ARMH4: variants seen among roughly 807,000 people sequenced by gnomAD.
The protein encoded by ARMH4 is armadillo like helical domain containing 4.
Under a neutral mutation model 61.9 loss-of-function variants are expected in ARMH4, and 49 were observed. The ratio of observed to expected loss-of-function variants is 0.79; its 90% CI spans 0.63 to 1.00. ARMH4 has a LOEUF of 1.00. ARMH4 is among the 50% of genes least tolerant of loss of function. The probability of loss-of-function intolerance (pLI) is 0.00; values close to 1 mark genes in which losing one functional copy is unlikely to be tolerated. For missense variants in ARMH4, 934 were observed against 930.0 expected (o/e 1.00, Z -0.06); for synonymous variants, 368 against 341.5 (o/e 1.08, Z -0.85).
intron 4 of ARMH4, among the ~76,000 whole-genome samples, chr14:58,125,871 A>G (rs1886879931): frequency 6.6e-6 from 1 of 152,208 alleles, no homozygotes; most frequent in Non-Finnish European, 1.5e-5. Flanking sequence ...CCCTAAGCCT[A>G]GCTGGGAAGG....
chr14:58,022,987 T>C (rs559234620), intron 5 of ARMH4, among the ~76,000 whole-genome samples: 4 of 152,352 alleles, frequency 2.6e-5, no homozygotes, highest in East Asian at 1.9e-4. Context: ...ATCCATACTT[T>C]AACTAAAAAT....
At chr14:58,063,966 G>C (rs1609699) in intron 5 of ARMH4, among the ~76,000 whole-genome samples, 1 of 152,050 alleles carries the variant, frequency 6.6e-6, no homozygotes, top group Admixed American at 6.5e-5. Context: ...GAAGTAGCTT[G>C]GAAACAGCCA....
At chr14:58,115,854 C>T (rs1362479857) in intron 4 of ARMH4, among the ~76,000 whole-genome samples, 1 of 152,100 alleles carries the variant, frequency 6.6e-6, no homozygotes, top group Non-Finnish European at 1.5e-5. Flanking sequence ...GGGAGCTAAA[C>T]ACTGAGTAAA....
At chr14:58,111,975 T>C (rs879818988) in intron 4 of ARMH4, among the ~76,000 whole-genome samples, 4 of 152,270 alleles carry the variant, frequency 2.6e-5, no homozygotes, top group Middle Eastern at 3.4e-3. Context: ...ATTAAAGGCA[T>C]GAGCTACCCC....
chr14:58,008,267 A>C (rs778452238), intron 6 of ARMH4, among the ~76,000 whole-genome samples: 15 of 152,232 alleles, frequency 9.9e-5, no homozygotes, highest in Non-Finnish European at 1.9e-4. Context: ...AAAGAGGAGA[A>C]TGTGACAGCA....
intron 5 of ARMH4, among the ~76,000 whole-genome samples, chr14:58,059,822 T>C (rs1884470737): frequency 6.6e-6 from 1 of 152,224 alleles, no homozygotes. Flanking sequence ...CTTCGATGTG[T>C]GCAGCATACA....
At chr14:58,135,888 T>C (rs1001830164) in intron 2 of ARMH4, among the ~76,000 whole-genome samples, 30 of 152,164 alleles carry the variant, frequency 2.0e-4, no homozygotes, top group African/African-American at 7.2e-4. Context: ...ATTTTGGCTA[T>C]TGTATAACAA....
chr14:58,072,713 C>T (rs894646483), intron 5 of ARMH4, among the ~76,000 whole-genome samples: 5 of 151,616 alleles, frequency 3.3e-5, no homozygotes, highest in Non-Finnish European at 7.4e-5. Context: ...CAGAGTGAGA[C>T]TCCATCTAAA....
intron 1 of ARMH4, among the ~76,000 whole-genome samples, chr14:58,151,201 G>C (rs1387001823): frequency 1.6e-4 from 24 of 152,154 alleles, no homozygotes; most frequent in Admixed American, 1.5e-3. Context: ...AGTGCTAGGC[G>C]GATCCTCGGG....
At chr14:58,149,775 A>AT (rs1391647217) in intron 1 of ARMH4, among the ~76,000 whole-genome samples, 1 of 152,224 alleles carries the variant, frequency 6.6e-6, no homozygotes, top group African/African-American at 2.4e-5. Context: ...TGCTGGTTAT[A>AT]TTTTTTCAAA....
chr14:58,112,286 C>CTTT (rs375451865), intron 4 of ARMH4, among the ~76,000 whole-genome samples: 117 of 133,382 alleles, frequency 8.8e-4, no homozygotes, highest in African/African-American at 3.1e-3. Flanking sequence ...CTTAATTTTT[C>CTTT]TTTTTTTTTT....
Position 58,138,348 on chromosome 14 carries a change from C to A in ARMH4, c.1011G>T (p.Gln337His). 6.2e-7 allele frequency: 1 copy of A among 1,614,196 alleles called. No individual in the cohort carries two copies. The highest frequency in any genetic ancestry group is 2.2e-5 in the East Asian group (1 of 44,886). Residue 337 changes from glutamine (Q) to histidine (H), a missense_variant, in exon 2 of 8, where the codon CAG (glutamine) becomes CAT (histidine). Gln to His is a conservative substitution (Grantham distance 24, BLOSUM62 0). Coordinates refer to ENST00000267485, the MANE Select transcript of ARMH4 (RefSeq NM_001001872.4). ...CTGTCTGAGACATCTCCGTTCTCAC[C>A]TGAGTCTCTTCATTGTCTCCAAGCT... is the stretch of plus-strand genomic sequence containing the variant. ...TPKLGDNEET[Q>H]VRTEMSQTAQ...
chr14:58,096,860 A>G lies in ARMH4; in HGVS notation c.1953T>C (p.Thr651=), dbSNP rs757767365. 4 of 1,614,136 alleles carry G rather than the reference A, an allele frequency of 2.5e-6. No individual in the cohort carries two copies. In the East Asian group the frequency reaches 8.9e-5, roughly 36 times the overall value. The change falls in exon 5 of 8, where the codon ACT becomes ACC. Residue 651 remains threonine (T), a synonymous_variant. Transcript: ENST00000267485. The part of the protein sequence containing the change: ...DSLDEGLDGD[T]ELPGFTLPGI... ...CAGGGAGGGTAAAACCTGGCAGCTCAGTGTCACCATCCAAGCCCTCATCCA... is the reference window on the plus strand; with the variant it reads ...CAGGGAGGGTAAAACCTGGCAGCTCGGTGTCACCATCCAAGCCCTCATCCA...
chr14:58,102,536 G>A (rs1032984902), intron 4 of ARMH4, among the ~76,000 whole-genome samples: 4 of 152,142 alleles, frequency 2.6e-5, no homozygotes, highest in Non-Finnish European at 4.4e-5. Context: ...AGGCGGCCGG[G>A]CGCGGTGGCT....
chr14:58,148,437 T>C (rs1334391721), intron 1 of ARMH4, among the ~76,000 whole-genome samples: 1 of 152,210 alleles, frequency 6.6e-6, no homozygotes, highest in East Asian at 1.9e-4. Flanking sequence ...CATCCCATTC[T>C]GGCCCATTCT....
chr14:58,122,639 G>A (rs975349754), intron 4 of ARMH4, among the ~76,000 whole-genome samples: 1 of 152,110 alleles, frequency 6.6e-6, no homozygotes, highest in Non-Finnish European at 1.5e-5. Context: ...AAAGGCCACC[G>A]CTTTAGTCAT....
intron 5 of ARMH4, among the ~76,000 whole-genome samples, chr14:58,014,361 AG>A (rs1882522672): frequency 6.6e-6 from 1 of 152,152 alleles, no homozygotes; most frequent in Non-Finnish European, 1.5e-5. Flanking sequence ...GAATAAGGCC[AG>A]GGGTTAGTGA....
chr14:58,151,462 A>T (rs867882812), intron 1 of ARMH4, among the ~76,000 whole-genome samples: 6 of 152,258 alleles, frequency 3.9e-5, no homozygotes, highest in Middle Eastern at 6.8e-3. Flanking sequence ...CTTTCCAAGG[A>T]GCGTCCTCCA....
At position 58,001,776 on chromosome 14, in the gene ARMH4, C is replaced by G. The variant is rs905702990; in HGVS notation, c.*2960G>C. 2.6e-5 allele frequency: 4 copies of G among 152,260 alleles called. No individual in the cohort carries two copies. Among genetic ancestry groups the G allele is most frequent in the African/African-American group, 9.6e-5 (4 of 41,542 alleles). 9.4% of individuals were successfully genotyped at this position (152,260 alleles called of 1,614,324 possible). On this transcript the variant is annotated 3_prime_UTR_variant, in exon 8 of 8. Transcript: ENST00000267485. ...CAGGTCTGGGGCAAGGCCTTGAGAT[C>G]TGTATGTTTCACAAGTGTCCCAGGT...
Sources: gnomAD v4.1 joint callset for allele counts (sites outside exome capture counted in the v4.1 genomes callset) on GRCh38, gnomAD v4.1.1 for gene constraint, MANE v1.5 for transcripts, NCBI Gene and HGNC (gene_info 2026-07-23, HGNC 2026-07-21) for gene names.